FHL5: variants seen among roughly 807,000 people sequenced by gnomAD.
FHL5 encodes the protein four and a half LIM domains protein 5.
A neutral mutation model predicts 32.0 loss-of-function variants in FHL5; 33 were observed. The observed-to-expected ratio is 1.03, with a 90% CI of 0.78 to 1.38. The LOEUF is 1.38. Among genes scored for constraint, FHL5 ranks in the 40% most tolerant of loss-of-function variants. FHL5 has a pLI of 0.00. For missense variants in FHL5, 336 were observed against 343.9 expected (o/e 0.98, Z 0.18); for synonymous variants, 114 against 113.6 (o/e 1.00, Z -0.02).
At chr6:96,602,547 C>T (rs775496406) in intron 1 of FHL5, among the ~76,000 whole-genome samples, 40 of 142,618 alleles carry the variant, frequency 2.8e-4, no homozygotes, top group African/African-American at 1.0e-3. Context: ...CCCGGGTTCA[C>T]GCCATTCTTC....
intron 1 of FHL5, among the ~76,000 whole-genome samples, chr6:96,576,590 C>T (rs149581522): frequency 7.9e-5 from 12 of 152,312 alleles, no homozygotes; most frequent in African/African-American, 2.9e-4. Flanking sequence ...TTTTATGAAA[C>T]CTACAGAACT....
intron 1 of FHL5, among the ~76,000 whole-genome samples, chr6:96,568,902 A>C (rs1185758008): frequency 6.6e-6 from 1 of 151,858 alleles, no homozygotes; most frequent in African/African-American, 2.4e-5. Flanking sequence ...TTTTCAAAAA[A>C]ATTCAGCTTT....
chr6:96,602,399 A>G (rs1443733009), intron 1 of FHL5, among the ~76,000 whole-genome samples: 1 of 148,074 alleles, frequency 6.8e-6, no homozygotes, highest in Non-Finnish European at 1.5e-5. Context: ...TGCCTAATTA[A>G]AACCTGGAAA....
At chr6:96,575,806 AAG>A (rs1770572582) in intron 1 of FHL5, among the ~76,000 whole-genome samples, 2 of 147,008 alleles carry the variant, frequency 1.4e-5, no homozygotes, top group Admixed American at 6.9e-5. Flanking sequence ...TTGAAATACC[AAG>A]AGAGACTTTT....
intron 1 of FHL5, among the ~76,000 whole-genome samples, chr6:96,567,480 G>T (rs917327525): frequency 6.6e-5 from 10 of 151,720 alleles, no homozygotes; most frequent in Non-Finnish European, 1.3e-4. Flanking sequence ...GGTCTTTTGT[G>T]GTTTCATATA....
chr6:96,573,923 A>G (rs140662194), intron 1 of FHL5, among the ~76,000 whole-genome samples: 41 of 152,262 alleles, frequency 2.7e-4, no homozygotes, highest in African/African-American at 9.6e-4. Context: ...CCAAAGTGAT[A>G]GATTACAGTA....
rs1245726572 is a variant in FHL5, at chr6:96,610,662, G to T, written c.595G>T (p.Glu199Ter). 6.2e-7 allele frequency: 1 copy of T among 1,613,224 alleles called. No individual in the cohort carries two copies. The highest frequency in any genetic ancestry group is 1.7e-5 in the Admixed American group (1 of 59,988). The change falls in exon 5 of 6, where the codon GAA becomes TAA. Residue 199 changes from glutamate to a stop codon, truncating the protein, a stop_gained. Transcript: ENST00000450218. LOFTEE classifies it high-confidence loss of function. Reference sequence around the variant, plus strand: ...TGGCTGTAGGAAAGATCTCTGTGAAGAACAGTTCATGTCCAGAGACGACTA... The same window carrying T: ...TGGCTGTAGGAAAGATCTCTGTGAATAACAGTTCATGTCCAGAGACGACTA... ...CSGCRKDLCE[E>*]QFMSRDDYPF...
intron 3 of FHL5, among the ~76,000 whole-genome samples, 177 bp from the exon 4 acceptor site, chr6:96,605,725 A>AT (rs150263956): frequency 2.6e-5 from 4 of 151,320 alleles, no homozygotes; most frequent in South Asian, 4.2e-4. Flanking sequence ...TTTATTAACC[A>AT]TTTTTTTTTC....
intron 1 of FHL5, among the ~76,000 whole-genome samples, chr6:96,598,349 C>T (rs796097152): frequency 2.4e-4 from 36 of 152,344 alleles, no homozygotes; most frequent in African/African-American, 8.7e-4. Flanking sequence ...CGAGCCAAAT[C>T]TGCATCCTGA....
intron 5 of FHL5, among the ~76,000 whole-genome samples, chr6:96,613,520 T>TG (rs1041372177): frequency 1.3e-5 from 2 of 152,042 alleles, no homozygotes; most frequent in African/African-American, 4.8e-5. Flanking sequence ...ACCTCAGGGG[T>TG]GGGGGGCCTT....
chr6:96,608,985 T>A (rs1001799616), intron 4 of FHL5, among the ~76,000 whole-genome samples: 4 of 152,206 alleles, frequency 2.6e-5, no homozygotes, highest in African/African-American at 9.6e-5. Flanking sequence ...AAAGGAATCA[T>A]GAATTCTGCT....
At chr6:96,580,746 C>T (rs1302748694) in intron 1 of FHL5, among the ~76,000 whole-genome samples, 1 of 152,060 alleles carries the variant, frequency 6.6e-6, no homozygotes, top group Non-Finnish European at 1.5e-5. Flanking sequence ...ATTTTGAAAT[C>T]TTATTTATTG....
rs1771519721 is a variant in FHL5 at position 96,616,280 on chromosome 6, A to G, written c.*508A>G. The G allele has an allele frequency of 6.6e-6, 1 of 152,254 alleles. No homozygotes were observed. 9.4% of individuals were successfully genotyped at this position (152,254 alleles called of 1,614,324 possible). On this transcript the variant is annotated 3_prime_UTR_variant, in exon 6 of 6. Transcript: ENST00000450218. ...ATTTAAGAATTGTTATCATTTAAAA[A>G]TCATCCTTTTTTTCACACATACTGA...
At chr6:96,601,482 G>GTTGTCATGT (rs1771148292) in intron 1 of FHL5, among the ~76,000 whole-genome samples, 1 of 152,204 alleles carries the variant, frequency 6.6e-6, no homozygotes, top group Non-Finnish European at 1.5e-5. Flanking sequence ...CACTAAATAA[G>GTTGTCATGT]TTACAGGTAT....
At chr6:96,600,007 A>G (rs1281562646) in intron 1 of FHL5, among the ~76,000 whole-genome samples, 1 of 152,222 alleles carries the variant, frequency 6.6e-6, no homozygotes, top group East Asian at 1.9e-4. Context: ...GGGAATGGTT[A>G]AAACAAGCTA....
chr6:96,608,759 T>C (rs180750900), intron 4 of FHL5, among the ~76,000 whole-genome samples: 13 of 152,310 alleles, frequency 8.5e-5, no homozygotes, highest in Non-Finnish European at 1.2e-4. Flanking sequence ...GATCAATCAG[T>C]GGTGAAAACC....
rs73492764 is a variant in FHL5, at chr6:96,600,499, C to T, written c.-12-3103C>T. ...GCTTCTTTTCTTCATTCCTTTATTCCAACCTTCCTTCCTTCCTAACAGATT... is the reference window on the plus strand; with the variant it reads ...GCTTCTTTTCTTCATTCCTTTATTCTAACCTTCCTTCCTTCCTAACAGATT... On this transcript the variant is annotated intron_variant, in intron 1 of 5. Coordinates refer to ENST00000450218, the MANE Select transcript of FHL5 (RefSeq NM_001322466.2). Among the ~76,000 whole-genome samples the T allele has an allele frequency of 7.0e-3, 1,071 of 151,934 alleles. 12 individuals carry two copies. Among genetic ancestry groups the T allele is most frequent in the African/African-American group, 0.025 (1,030 of 41,404 alleles).
intron 1 of FHL5, among the ~76,000 whole-genome samples, chr6:96,565,968 T>A (rs1770349021): frequency 6.6e-6 from 1 of 152,070 alleles, no homozygotes; most frequent in Non-Finnish European, 1.5e-5. Flanking sequence ...GTAAATAGCA[T>A]ATTTATTACC....
intron 1 of FHL5, among the ~76,000 whole-genome samples, chr6:96,590,344 G>A (rs1389952414): frequency 6.6e-6 from 1 of 151,854 alleles, no homozygotes. Flanking sequence ...AATTTTCTAT[G>A]TAGAGAGCTC....
Sources: allele counts gnomAD v4.1 joint callset (sites outside exome capture counted in the v4.1 genomes callset), GRCh38; gene constraint gnomAD v4.1.1; transcripts MANE v1.5; gene names NCBI Gene and HGNC (gene_info 2026-07-23, HGNC 2026-07-21).